The following SCHIP1 variants were observed in gnomAD, a reference collection of about 807,000 sequenced individuals.
SCHIP1 encodes schwannomin interacting protein 1, also known as schwannomin-interacting protein 1.
SCHIP1 carries 8 observed loss-of-function variants against 29.7 expected under a neutral mutation model. The ratio of observed to expected loss-of-function variants is 0.27; its 90% CI spans 0.16 to 0.49. The LOEUF is 0.49. Ranked by LOEUF, SCHIP1 falls within the 20% of genes least tolerant of loss-of-function variation. SCHIP1 has a pLI of 0.99. For missense variants in SCHIP1, 193 were observed against 294.6 expected, an observed-to-expected ratio of 0.66 and a Z score of 2.52; for synonymous variants, 76 against 94.9, an observed-to-expected ratio of 0.80 and a Z score of 1.16.
chr3:159,760,585 T>C, the SCHIP1 span, among the ~76,000 whole-genome samples: 1 of 152,228 alleles, frequency 6.6e-6, no homozygotes, highest in Non-Finnish European at 1.5e-5. Context: ...TTATATGAAT[T>C]AGATATTATC....
At chr3:159,547,569 G>A in the SCHIP1 span, among the ~76,000 whole-genome samples, 2 of 152,012 alleles carry the variant, frequency 1.3e-5, no homozygotes, top group Admixed American at 6.6e-5. Context: ...AAGTCTTTAA[G>A]CCATTTTGAG....
chr3:159,303,914 A>C, the SCHIP1 span, among the ~76,000 whole-genome samples: 40 of 152,154 alleles, frequency 2.6e-4, no homozygotes, highest in African/African-American at 8.7e-4. Flanking sequence ...CACATTGTGC[A>C]GGTTAGTTAC....
chr3:159,883,211 A>G (rs1480527571), intron 2 of SCHIP1, among the ~76,000 whole-genome samples: 2 of 152,190 alleles, frequency 1.3e-5, no homozygotes, highest in Non-Finnish European at 2.9e-5. Flanking sequence ...CTTGAATTGG[A>G]TACCTTGAAA....
chr3:159,860,367 C>T, intron 1 of SCHIP1, among the ~76,000 whole-genome samples: 1 of 152,158 alleles, frequency 6.6e-6, no homozygotes, highest in Admixed American at 6.5e-5. Context: ...TTTTGCAACT[C>T]CTGGAGCTTA....
At chr3:159,779,079 G>A in the SCHIP1 span, among the ~76,000 whole-genome samples, 1 of 152,294 alleles carries the variant, frequency 6.6e-6, no homozygotes, top group South Asian at 2.1e-4. Flanking sequence ...TGGTGGAATT[G>A]TGAAGGCTCT....
chr3:159,447,700 G>T, the SCHIP1 span, among the ~76,000 whole-genome samples: 1 of 152,082 alleles, frequency 6.6e-6, no homozygotes, highest in Admixed American at 6.5e-5. Context: ...CTGCTTCCCA[G>T]GCTCAATATG....
chr3:159,477,293 C>T, the SCHIP1 span, among the ~76,000 whole-genome samples: 13 of 151,984 alleles, frequency 8.6e-5, 1 homozygote, highest in South Asian at 6.2e-4. Flanking sequence ...CAATTTTTTC[C>T]GGATATATGA....
chr3:159,832,128 C>T, the SCHIP1 span, among the ~76,000 whole-genome samples: 1 of 152,170 alleles, frequency 6.6e-6, no homozygotes, highest in Non-Finnish European at 1.5e-5. Context: ...TCTGATTCCA[C>T]ATCCTTGCCC....
At chr3:159,434,420 G>A in the SCHIP1 span, among the ~76,000 whole-genome samples, 1 of 151,946 alleles carries the variant, frequency 6.6e-6, no homozygotes, top group Admixed American at 6.6e-5. Context: ...AGACACATAT[G>A]GTTCCAGTAA....
At chr3:159,814,432 G>A in the SCHIP1 span, among the ~76,000 whole-genome samples, 1 of 152,176 alleles carries the variant, frequency 6.6e-6, no homozygotes, top group East Asian at 1.9e-4. Context: ...TGCTCTATAA[G>A]GTTTCTAGGC....
the SCHIP1 span, among the ~76,000 whole-genome samples, chr3:159,728,867 C>T: frequency 0.18 from 27,379 of 152,010 alleles, 2,803 homozygotes; most frequent in African/African-American, 0.27. Context: ...AGATGTGTTC[C>T]GGCCAGGCGC....
the SCHIP1 span, among the ~76,000 whole-genome samples, chr3:159,293,941 C>G: frequency 6.6e-6 from 1 of 152,056 alleles, no homozygotes; most frequent in Non-Finnish European, 1.5e-5. Context: ...TAGATTCGTG[C>G]TAGAAATCCA....
chr3:159,582,540 C>A, the SCHIP1 span, among the ~76,000 whole-genome samples: 291 of 151,994 alleles, frequency 1.9e-3, no homozygotes, highest in Non-Finnish European at 3.1e-3. Flanking sequence ...TGCCAGGCAG[C>A]CTGAGTATGT....
chr3:159,393,635 G>A, the SCHIP1 span, among the ~76,000 whole-genome samples: 75 of 148,140 alleles, frequency 5.1e-4, no homozygotes, highest in African/African-American at 1.4e-3. Flanking sequence ...GATATGTGGC[G>A]TTATTTCTGA....
chr3:159,586,968 C>A, the SCHIP1 span, among the ~76,000 whole-genome samples: 4 of 152,172 alleles, frequency 2.6e-5, no homozygotes, highest in African/African-American at 9.7e-5. Flanking sequence ...TACGTGTCAG[C>A]AGAGAGAGGA....
the SCHIP1 span, among the ~76,000 whole-genome samples, chr3:159,388,978 G>A: frequency 6.6e-6 from 1 of 151,946 alleles, no homozygotes; most frequent in African/African-American, 2.4e-5. Context: ...CTCAGGCTAG[G>A]AAATGTCTTT....
chr3:159,308,193 C>A, the SCHIP1 span, among the ~76,000 whole-genome samples: 3 of 152,080 alleles, frequency 2.0e-5, no homozygotes, highest in East Asian at 1.9e-4. Context: ...GATTTTGATT[C>A]TTTCAGTCCA....
chr3:159,437,307 C>G, the SCHIP1 span, among the ~76,000 whole-genome samples: 1 of 152,090 alleles, frequency 6.6e-6, no homozygotes, highest in Non-Finnish European at 1.5e-5. Flanking sequence ...GTTGGCCTCC[C>G]CCATTTTGTC....
At chr3:159,534,504 G>C in the SCHIP1 span, among the ~76,000 whole-genome samples, 1 of 152,244 alleles carries the variant, frequency 6.6e-6, no homozygotes, top group South Asian at 2.1e-4. Context: ...CAGAGACCCA[G>C]GATGATGGAG....
Sources: gnomAD v4.1 joint callset for allele counts (sites outside exome capture counted in the v4.1 genomes callset) on GRCh38, gnomAD v4.1.1 for gene constraint, MANE v1.5 for transcripts, NCBI Gene and HGNC (gene_info 2026-07-23, HGNC 2026-07-21) for gene names.